Variants in LRRC4C observed in about 807,000 individuals in gnomAD.
The protein encoded by LRRC4C is leucine rich repeat containing 4C.
In LRRC4C, 5 loss-of-function variants were observed where a neutral mutation model predicts 33.6. The ratio of observed to expected loss-of-function variants is 0.15; its 90% CI spans 0.08 to 0.31. The LOEUF (loss-of-function observed/expected upper bound fraction) is 0.31. LRRC4C is among the 10% of genes least tolerant of loss of function. LRRC4C has a pLI of 1.00. For missense variants in LRRC4C, 560 were observed against 796.7 expected (o/e 0.70, Z 3.58); for synonymous variants, 329 against 302.0 (o/e 1.09, Z -0.93).
intron 1 of LRRC4C, among the ~76,000 whole-genome samples, chr11:41,042,576 C>T (rs1857505479): frequency 6.6e-6 from 1 of 152,084 alleles, no homozygotes; most frequent in Non-Finnish European, 1.5e-5. Flanking sequence ...CTCCCTAAAG[C>T]TCTCTTCTTC....
intron 2 of LRRC4C, among the ~76,000 whole-genome samples, chr11:40,930,097 G>A (rs1206118020): frequency 2.6e-5 from 4 of 152,082 alleles, no homozygotes; most frequent in Non-Finnish European, 4.4e-5. Context: ...TGCAGGACCC[G>A]GGGCTAATAA....
rs79914042 is a variant in LRRC4C at position 41,166,029 on chromosome 11, C to G, written c.-495-232306G>C. ...CTCGGCAACAAGAGCGAAATTCTGT[C>G]AAAAAAAAAAAAAAAGTCCCCAAAT... On this transcript the variant is annotated intron_variant, in intron 1 of 6. Transcript: ENST00000528697. Among the ~76,000 whole-genome samples the G allele has an allele frequency of 3.8e-3, 462 of 122,176 alleles. 3 individuals carry two copies. Among genetic ancestry groups the G allele is most frequent in the Middle Eastern group, 8.7e-3 (2 of 230 alleles). 80.2% of individuals were successfully genotyped at this position (122,176 alleles called of 152,430 possible).
chr11:40,859,940 G>GC (rs762153122), intron 2 of LRRC4C, among the ~76,000 whole-genome samples: 8 of 152,032 alleles, frequency 5.3e-5, no homozygotes, highest in Middle Eastern at 3.4e-3. Context: ...ATAAAAATTA[G>GC]CTGGGCCTGG....
chr11:41,139,044 A>C (rs2135893936), intron 1 of LRRC4C, among the ~76,000 whole-genome samples: 1 of 152,262 alleles, frequency 6.6e-6, no homozygotes. Context: ...GTTTTGTTTT[A>C]CAAAAAAGTA....
chr11:40,995,864 G>C (rs1450183706), intron 1 of LRRC4C, among the ~76,000 whole-genome samples: 1 of 152,072 alleles, frequency 6.6e-6, no homozygotes, highest in Non-Finnish European at 1.5e-5. Flanking sequence ...TCATTTTTTA[G>C]TAACCTTTGT....
At chr11:40,780,945 A>G (rs771376784) in intron 2 of LRRC4C, among the ~76,000 whole-genome samples, 3 of 152,156 alleles carry the variant, frequency 2.0e-5, no homozygotes, top group Non-Finnish European at 2.9e-5. Context: ...AAATGTACAT[A>G]CATAAACAGT....
At chr11:41,059,391 T>C (rs993552667) in intron 1 of LRRC4C, among the ~76,000 whole-genome samples, 1 of 151,918 alleles carries the variant, frequency 6.6e-6, no homozygotes. Context: ...TAAAGAGAGA[T>C]ACAAGAAGTT....
At chr11:41,437,399 G>A (rs889529130) in intron 1 of LRRC4C, among the ~76,000 whole-genome samples, 3 of 140,768 alleles carry the variant, frequency 2.1e-5, no homozygotes, top group African/African-American at 5.4e-5. Context: ...AGACACACAC[G>A]CACACACACA....
At chr11:40,766,383 GAT>G (rs1949462898) in intron 2 of LRRC4C, among the ~76,000 whole-genome samples, 1 of 58,560 alleles carries the variant, frequency 1.7e-5, no homozygotes, top group East Asian at 5.4e-4. Flanking sequence ...AAAAAAAGAA[GAT>G]AACACGCAAT....
intron 2 of LRRC4C, among the ~76,000 whole-genome samples, chr11:40,849,254 G>A (rs1953357921): frequency 6.6e-6 from 1 of 152,192 alleles, no homozygotes; most frequent in African/African-American, 2.4e-5. Flanking sequence ...TTTACATTTT[G>A]GTTTCTTTTT....
chr11:40,891,739 G>T (rs917754176), intron 2 of LRRC4C, among the ~76,000 whole-genome samples: 2 of 152,130 alleles, frequency 1.3e-5, no homozygotes, highest in Non-Finnish European at 2.9e-5. Flanking sequence ...ATATCCAAAA[G>T]AAAGACACTA....
intron 3 of LRRC4C, among the ~76,000 whole-genome samples, chr11:40,401,634 C>G (rs1201208332): frequency 6.6e-6 from 1 of 152,090 alleles, no homozygotes; most frequent in Non-Finnish European, 1.5e-5. Context: ...TAAAGCAAGA[C>G]AGACAGTTCA....
intron 2 of LRRC4C, among the ~76,000 whole-genome samples, chr11:40,849,030 T>C (rs1277398404): frequency 5.9e-5 from 9 of 152,206 alleles, no homozygotes; most frequent in Admixed American, 2.0e-4. Flanking sequence ...ATTTTGAGCA[T>C]ATTGTGTGTC....
At chr11:40,816,580 G>A (rs559553113) in intron 2 of LRRC4C, among the ~76,000 whole-genome samples, 14 of 152,186 alleles carry the variant, frequency 9.2e-5, no homozygotes, top group Admixed American at 5.9e-4. Context: ...TAGTTACTGT[G>A]TTTTTTAGAC....
chr11:40,489,815 T>C (rs1008678217), intron 3 of LRRC4C, among the ~76,000 whole-genome samples: 1 of 152,176 alleles, frequency 6.6e-6, no homozygotes, highest in African/African-American at 2.4e-5. Context: ...AGGATACTTT[T>C]ATTGACTTGA....
intron 5 of LRRC4C, among the ~76,000 whole-genome samples, chr11:40,162,627 C>T (rs1859252592): frequency 6.6e-6 from 1 of 152,150 alleles, no homozygotes; most frequent in Non-Finnish European, 1.5e-5. Flanking sequence ...CGCTTTGTAG[C>T]TCAGTGTTCA....
At chr11:40,359,738 G>T (rs889542437) in intron 3 of LRRC4C, among the ~76,000 whole-genome samples, 1 of 152,120 alleles carries the variant, frequency 6.6e-6, no homozygotes, top group Admixed American at 6.6e-5. Context: ...TAAACAGTCA[G>T]AATCAACCCA....
chr11:41,236,030 C>A (rs1948006531), intron 1 of LRRC4C, among the ~76,000 whole-genome samples: 1 of 152,022 alleles, frequency 6.6e-6, no homozygotes, highest in South Asian at 2.1e-4. Context: ...TAAGTTCCAA[C>A]AAATGGAACA....
intron 1 of LRRC4C, among the ~76,000 whole-genome samples, chr11:41,390,928 T>G (rs1372224138): frequency 6.7e-6 from 1 of 149,386 alleles, no homozygotes; most frequent in Non-Finnish European, 1.5e-5. Flanking sequence ...ATTGAATGAA[T>G]AAATATAGCT....
Sources: gnomAD v4.1 joint callset for allele counts (sites outside exome capture counted in the v4.1 genomes callset) on GRCh38, gnomAD v4.1.1 for gene constraint, MANE v1.5 for transcripts, NCBI Gene and HGNC (gene_info 2026-07-23, HGNC 2026-07-21) for gene names.